Variants in ATP10A observed in about 807,000 individuals in gnomAD.
ATP10A encodes the protein ATPase phospholipid transporting 10A (putative), also known as phospholipid-transporting ATPase VA.
Under a neutral mutation model 147.8 loss-of-function variants are expected in ATP10A, and 111 were observed. The ratio of observed to expected loss-of-function variants is 0.75; its 90% CI spans 0.64 to 0.88. ATP10A has a LOEUF of 0.88. Among genes scored for constraint, ATP10A ranks in the 40% least tolerant of loss-of-function variants. ATP10A has a pLI of 0.00. For missense variants in ATP10A, 1,927 were observed against 1,959.0 expected (o/e 0.98, Z 0.31); for synonymous variants, 875 against 841.6 (o/e 1.04, Z -0.69).
chr15:25,707,057 G>T (rs192582124), intron 12 of ATP10A, among the ~76,000 whole-genome samples: 1 of 152,276 alleles, frequency 6.6e-6, no homozygotes, highest in African/African-American at 2.4e-5. Context: ...TGGATCCCGG[G>T]GCTTTCCAAG....
At chr15:25,796,036 C>T (rs1339759809) in intron 1 of ATP10A, among the ~76,000 whole-genome samples, 1 of 152,190 alleles carries the variant, frequency 6.6e-6, no homozygotes, top group Non-Finnish European at 1.5e-5. Context: ...GCTTCCTGTA[C>T]AGCCTGCAGA....
At position 25,679,274 on chromosome 15, in the gene ATP10A, G is replaced by T; in HGVS notation, c.*67C>A. The T allele has an allele frequency of 1.8e-6, 2 of 1,134,474 alleles. No homozygotes were observed. The highest frequency in any genetic ancestry group is 2.2e-6 in the Non-Finnish European group (2 of 891,708). 70.3% of individuals were successfully genotyped at this position (1,134,474 alleles called of 1,614,324 possible). ...ATACATCTCCCTAGAACTCTTCTGT[G>T]CAAATAATAAACATAAATAATATTA... is the stretch of plus-strand genomic sequence containing the variant. On this transcript the variant is annotated 3_prime_UTR_variant, in exon 21 of 21. Transcript: ENST00000555815.
intron 2 of ATP10A, among the ~76,000 whole-genome samples, chr15:25,777,210 AT>A (rs140332679): frequency 0.16 from 24,012 of 151,970 alleles, 2,003 homozygotes; most frequent in Non-Finnish European, 0.18. Flanking sequence ...TACCCTGGAC[AT>A]ATTCCTGCAG....
At chr15:25,834,628 G>T (rs1208867202) in intron 1 of ATP10A, among the ~76,000 whole-genome samples, 1 of 152,156 alleles carries the variant, frequency 6.6e-6, no homozygotes, top group Non-Finnish European at 1.5e-5. Context: ...ATACACAAGA[G>T]AAATGAAAAC....
At chr15:25,788,156 C>T (rs1890255556) in intron 1 of ATP10A, among the ~76,000 whole-genome samples, 1 of 152,226 alleles carries the variant, frequency 6.6e-6, no homozygotes, top group South Asian at 2.1e-4. Context: ...CCCTTCCTCA[C>T]AAAATCCCTC....
chr15:25,764,752 T>G (rs1191046709), intron 2 of ATP10A, among the ~76,000 whole-genome samples: 1 of 152,236 alleles, frequency 6.6e-6, no homozygotes, highest in African/African-American at 2.4e-5. Flanking sequence ...TATCCTTCAC[T>G]TCTTCCCATC....
intron 2 of ATP10A, among the ~76,000 whole-genome samples, chr15:25,771,509 C>T (rs1162267218): frequency 6.6e-6 from 1 of 152,144 alleles, no homozygotes; most frequent in African/African-American, 2.4e-5. Flanking sequence ...AGAGGCTTAT[C>T]TTCCCAGCTA....
intron 1 of ATP10A, among the ~76,000 whole-genome samples, chr15:25,850,377 C>T (rs1893230564): frequency 6.6e-6 from 1 of 152,122 alleles, no homozygotes; most frequent in South Asian, 2.1e-4. Context: ...AGACAGACAG[C>T]GTGGATGCGT....
chr15:25,714,651 G>A (rs929373537), intron 9 of ATP10A, among the ~76,000 whole-genome samples: 1 of 152,012 alleles, frequency 6.6e-6, no homozygotes, highest in Non-Finnish European at 1.5e-5. Flanking sequence ...GCAGCTGGTG[G>A]CATCTGCAGG....
chr15:25,743,700 C>T (rs1314378110), intron 2 of ATP10A, among the ~76,000 whole-genome samples: 1 of 152,130 alleles, frequency 6.6e-6, no homozygotes, highest in Non-Finnish European at 1.5e-5. Context: ...TCCTGGAAGT[C>T]GAAAGTTGGA....
chr15:25,759,918 G>T (rs1315478611), intron 2 of ATP10A, among the ~76,000 whole-genome samples: 3 of 151,576 alleles, frequency 2.0e-5, no homozygotes, highest in Non-Finnish European at 4.4e-5. Flanking sequence ...GAAATCTTCT[G>T]TCACTTTGGT....
At chr15:25,737,129 G>A (rs1887333520) in intron 2 of ATP10A, among the ~76,000 whole-genome samples, 1 of 152,212 alleles carries the variant, frequency 6.6e-6, no homozygotes, top group Non-Finnish European at 1.5e-5. Context: ...TTCAATAACT[G>A]AAATTGAAAT....
intron 1 of ATP10A, among the ~76,000 whole-genome samples, chr15:25,783,313 T>G (rs1890013964): frequency 6.6e-6 from 1 of 152,140 alleles, no homozygotes; most frequent in Non-Finnish European, 1.5e-5. Flanking sequence ...CTCACCCGAG[T>G]TCCAAGAGAG....
intron 1 of ATP10A, among the ~76,000 whole-genome samples, chr15:25,791,008 G>T (rs760730856): frequency 6.6e-6 from 1 of 151,538 alleles, no homozygotes; most frequent in African/African-American, 2.4e-5. Context: ...ACACTCCTCC[G>T]TCAGTATCTA....
chr15:25,707,601 A>G (rs923830726), intron 12 of ATP10A, among the ~76,000 whole-genome samples: 1 of 152,222 alleles, frequency 6.6e-6, no homozygotes, highest in Non-Finnish European at 1.5e-5. Context: ...TCTGTGAAAC[A>G]TTCCTAAGAT....
rs149836704 is a variant in ATP10A at position 25,694,957 on chromosome 15, C to T, written c.2950G>A (p.Glu984Lys). The T allele has an allele frequency of 1.4e-5, 22 of 1,614,178 alleles. No individual in the cohort carries two copies. In the East Asian group the frequency reaches 2.5e-4, roughly 18 times the overall value. Residue 984 changes from glutamate (E) to lysine (K), a missense_variant, in exon 14 of 21, where the codon GAG (glutamate) becomes AAG (lysine). Transcript: ENST00000555815. Reference sequence around the variant, plus strand: ...AGGAATTTGTCCTCCAGGTTTTTCTCGAGAGCGTAGGCCAGGCTTCTCCCA... The same window carrying T: ...AGGAATTTGTCCTCCAGGTTTTTCTTGAGAGCGTAGGCCAGGCTTCTCCCA... ...IDGRSLAYALEKNLEDKFLFL... is the reference protein window; with the variant it reads ...IDGRSLAYALKKNLEDKFLFL...
chr15:25,771,434 G>A (rs8035024), intron 2 of ATP10A, among the ~76,000 whole-genome samples: 33,065 of 151,958 alleles, frequency 0.22, 3,805 homozygotes, highest in African/African-American at 0.27. Flanking sequence ...AAAACATTAG[G>A]TCTGCGATCT....
intron 1 of ATP10A, among the ~76,000 whole-genome samples, chr15:25,802,984 A>C (rs1168278103): frequency 6.6e-6 from 1 of 152,166 alleles, no homozygotes; most frequent in Non-Finnish European, 1.5e-5. Context: ...TGTGGCCAAC[A>C]CCAGTAGGGC....
chr15:25,673,669 C>A (rs541148175), downstream of ATP10A, among the ~76,000 whole-genome samples: 2 of 152,326 alleles, frequency 1.3e-5, no homozygotes, highest in Non-Finnish European at 2.9e-5. Context: ...GAAGGCCTTG[C>A]ATGCCCTTTC....
Sources: allele counts gnomAD v4.1 joint callset (sites outside exome capture counted in the v4.1 genomes callset), GRCh38; gene constraint gnomAD v4.1.1; transcripts MANE v1.5; gene names NCBI Gene and HGNC (gene_info 2026-07-23, HGNC 2026-07-21).